VSIG1: variants seen among roughly 807,000 people sequenced by gnomAD.
VSIG1 encodes V-set and immunoglobulin domain-containing protein 1.
Under a neutral mutation model 20.1 loss-of-function variants are expected in VSIG1, and 11 were observed. The ratio of observed to expected loss-of-function variants is 0.55; its 90% confidence interval spans 0.34 to 0.91. The LOEUF is 0.91. VSIG1 is among the 40% of genes least tolerant of loss of function. The pLI, the probability that VSIG1 is intolerant of heterozygous loss-of-function variation, is 0.02. For synonymous variants in VSIG1, 126 were observed against 116.7 expected, an observed-to-expected ratio of 1.08 and a Z score of -0.52; for missense variants, 283 against 298.8, an observed-to-expected ratio of 0.95 and a Z score of 0.39.
intron 1 of VSIG1, among the ~76,000 whole-genome samples, chrX:108,057,505 C>G (rs964573076): frequency 8.9e-5 from 10 of 112,282 alleles, no homozygotes; most frequent in African/African-American, 3.2e-4. Flanking sequence ...TTGCTGGGAA[C>G]TGGGTAAAGT....
rs142503328 is a variant in VSIG1, at chrX:108,072,806, A to T, written c.542A>T (p.Asp181Val). The change falls in exon 4 of 7, where the codon GAC becomes GTC. Residue 181 changes from aspartate (D) to valine (V), a missense_variant. Physicochemically the swap from Asp to Val is radical, Grantham distance 152. Transcript: ENST00000217957. ...VYYWHKLEGR[D>V]IVPVKENFNP... ...TACTGGCATAAACTTGAGGGAAGAG[A>T]CATCGTGCCAGTGAAAGAAAACTTC... is the stretch of plus-strand genomic sequence containing the variant. 6.6e-6 allele frequency: 8 copies of T among 1,208,736 alleles called. No homozygotes were observed. The African/African-American group carries it at 1.4e-4, about 21-fold the overall frequency.
upstream of VSIG1, chrX:108,045,021 C>T: frequency 1.7e-6 from 1 of 579,810 alleles, no homozygotes; most frequent in Non-Finnish European, 2.5e-6. Context: ...CTTGGCGATG[C>T]CCAGCAGATA....
At chrX:108,026,283 G>A in the VSIG1 span, among the ~76,000 whole-genome samples, 2 of 111,596 alleles carry the variant, frequency 1.8e-5, no homozygotes, top group African/African-American at 3.3e-5. Flanking sequence ...GAAGCAATCT[G>A]CAGTAACCAG....
intron 2 of VSIG1, among the ~76,000 whole-genome samples, chrX:108,062,440 C>T (rs897033035): frequency 9.0e-6 from 1 of 111,454 alleles, no homozygotes; most frequent in Non-Finnish European, 1.9e-5. Flanking sequence ...TCTTCCCCAC[C>T]CCACCATCAA....
chrX:108,033,435 CT>C, the VSIG1 span, among the ~76,000 whole-genome samples: 1 of 112,053 alleles, frequency 8.9e-6, no homozygotes, highest in Non-Finnish European at 1.9e-5. Context: ...CCTCCTCATG[CT>C]GCTGCACCCA....
chrX:108,053,010 T>C (rs887932564), intron 1 of VSIG1, among the ~76,000 whole-genome samples: 2 of 111,340 alleles, frequency 1.8e-5, no homozygotes, highest in African/African-American at 6.5e-5. Context: ...ATGGACTCAA[T>C]AGAAGAGCAG....
the VSIG1 span, among the ~76,000 whole-genome samples, chrX:108,028,781 A>G: frequency 8.9e-6 from 1 of 111,752 alleles, no homozygotes. Flanking sequence ...CATCCCAAAG[A>G]GATAAGCGAA....
At chrX:108,053,778 A>G (rs1004524784) in intron 1 of VSIG1, among the ~76,000 whole-genome samples, 2 of 111,897 alleles carry the variant, frequency 1.8e-5, no homozygotes, top group African/African-American at 6.5e-5. Context: ...GTGTGAACAC[A>G]ATCACATAAT....
At chrX:108,035,646 C>T in the VSIG1 span, among the ~76,000 whole-genome samples, 23 of 111,344 alleles carry the variant, frequency 2.1e-4, no homozygotes, top group Non-Finnish European at 3.8e-4. Context: ...ATGCAATGAC[C>T]CACAGTCTCT....
At chrX:108,071,408 T>C (rs181610015) in intron 3 of VSIG1, among the ~76,000 whole-genome samples, 5 of 111,636 alleles carry the variant, frequency 4.5e-5, no homozygotes, top group African/African-American at 1.6e-4. Flanking sequence ...AAGATAGATA[T>C]GTAGATATGA....
At chrX:108,023,094 T>C in the VSIG1 span, among the ~76,000 whole-genome samples, 2 of 112,282 alleles carry the variant, frequency 1.8e-5, no homozygotes, top group African/African-American at 6.5e-5. Context: ...TTTATAGCAA[T>C]GCAAAGTGGA....
chrX:108,051,364 C>T (rs2030781599), intron 1 of VSIG1, among the ~76,000 whole-genome samples: 1 of 111,501 alleles, frequency 9.0e-6, no homozygotes, highest in East Asian at 2.8e-4. Context: ...CTAGGGAAAC[C>T]TTTCTGCTCC....
chrX:108,066,394 G>C (rs1046101376), intron 2 of VSIG1, among the ~76,000 whole-genome samples: 2 of 111,588 alleles, frequency 1.8e-5, no homozygotes, highest in Non-Finnish European at 3.8e-5. Flanking sequence ...TTTCCGCTTT[G>C]CTTCTAATAA....
chrX:108,025,030 A>G, the VSIG1 span, among the ~76,000 whole-genome samples: 1 of 111,192 alleles, frequency 9.0e-6, no homozygotes, highest in African/African-American at 3.3e-5. Flanking sequence ...TGTTGTAGTC[A>G]TTGTTGAATG....
the VSIG1 span, among the ~76,000 whole-genome samples, chrX:108,036,050 G>A: frequency 4.1e-5 from 4 of 98,199 alleles, no homozygotes; most frequent in East Asian, 9.6e-4. Flanking sequence ...TTCAGCCAGG[G>A]CCTTATTGTC....
chrX:108,073,510 A>T, intron 5 of VSIG1, 141 bp downstream of exon 5: 1 of 669,804 alleles, frequency 1.5e-6, no homozygotes, highest in South Asian at 3.1e-5. Flanking sequence ...GGCTGATATG[A>T]TGAATGACCA....
intron 1 of VSIG1, among the ~76,000 whole-genome samples, chrX:108,056,885 T>A (rs1352425366): frequency 8.9e-6 from 1 of 112,303 alleles, no homozygotes; most frequent in Non-Finnish European, 1.9e-5. Context: ...GCAATTGCAC[T>A]GTTGGGCATT....
intron 2 of VSIG1, among the ~76,000 whole-genome samples, chrX:108,062,466 C>T (rs1350431627): frequency 9.0e-6 from 1 of 111,597 alleles, no homozygotes; most frequent in Non-Finnish European, 1.9e-5. Context: ...TGTATTGTGT[C>T]CCATTCACTT....
At chrX:108,041,316 CAAT>C (rs1260037208), upstream of VSIG1, among the ~76,000 whole-genome samples, 1 of 110,328 alleles carries the variant, frequency 9.1e-6, no homozygotes, top group African/African-American at 3.3e-5. Context: ...GAACCATTGT[CAAT>C]AATATTGAAA....
Sources: gnomAD v4.1 joint callset for allele counts (sites outside exome capture counted in the v4.1 genomes callset) on GRCh38, gnomAD v4.1.1 for gene constraint, MANE v1.5 for transcripts, NCBI Gene and HGNC (gene_info 2026-07-23, HGNC 2026-07-21) for gene names.